The following SAMD5 variants were observed in gnomAD, a reference collection of about 807,000 sequenced individuals.
SAMD5 encodes the protein sterile alpha motif domain containing 5.
SAMD5 carries 13 observed loss-of-function variants against 11.3 expected under a neutral mutation model. That is an observed-to-expected ratio of 1.15 (90% confidence interval 0.75 to 1.83). SAMD5 has a LOEUF of 1.83. Among genes scored for constraint, SAMD5 ranks in the 40% most tolerant of loss-of-function variants. The probability of loss-of-function intolerance (pLI) is 0.00; values close to 1 mark genes in which losing one functional copy is unlikely to be tolerated. For synonymous variants in SAMD5, 129 were observed against 111.3 expected (o/e 1.16, Z -1.00); for missense variants, 255 against 239.1 (o/e 1.07, Z -0.44).
At chr6:147,551,195 A>G (rs1416265399) in intron 1 of SAMD5, among the ~76,000 whole-genome samples, 4 of 152,178 alleles carry the variant, frequency 2.6e-5, no homozygotes, top group Non-Finnish European at 5.9e-5. Flanking sequence ...GAATTGGCCA[A>G]ATTCTCATAG....
the SAMD5 span, among the ~76,000 whole-genome samples, chr6:147,859,058 G>T: frequency 6.6e-6 from 1 of 152,126 alleles, no homozygotes; most frequent in African/African-American, 2.4e-5. Flanking sequence ...GGCCAGGGAG[G>T]ACCTCACTAT....
At chr6:147,607,543 C>T (rs931352856) in intron 1 of SAMD5, among the ~76,000 whole-genome samples, 1 of 151,998 alleles carries the variant, frequency 6.6e-6, no homozygotes, top group African/African-American at 2.4e-5. Context: ...ACAGTGAACC[C>T]ATTTTTGATA....
chr6:147,798,002 T>A, the SAMD5 span, among the ~76,000 whole-genome samples: 4 of 151,666 alleles, frequency 2.6e-5, no homozygotes, highest in African/African-American at 9.7e-5. Flanking sequence ...ATTTTGTTGA[T>A]CCTTTCAAAA....
At chr6:147,634,899 A>G (rs1356188069) in intron 1 of SAMD5, among the ~76,000 whole-genome samples, 1 of 149,934 alleles carries the variant, frequency 6.7e-6, no homozygotes, top group Non-Finnish European at 1.5e-5. Flanking sequence ...GTGAAATTAA[A>G]AAGGGAAAGA....
At position 147,564,826 on chromosome 6, in the gene SAMD5, G is replaced by A; in HGVS notation, c.*370G>A. The A allele has an allele frequency of 1.0e-6, 1 of 974,990 alleles. No homozygotes were observed. The highest frequency in any genetic ancestry group is 1.8e-5 in the African/African-American group (1 of 57,018). The allele number at this position is 974,990 out of a possible 1,614,324, so 60.4% of individuals were successfully genotyped here. ...TAGTTTAAGTACAATATAACAAAAAGGTAGATTTCTGACAGTAAGTAGTAA... is the reference window on the plus strand; with the variant it reads ...TAGTTTAAGTACAATATAACAAAAAAGTAGATTTCTGACAGTAAGTAGTAA... On this transcript the variant is annotated 3_prime_UTR_variant, in exon 2 of 2. Transcript: ENST00000367474.
chr6:147,911,699 C>G, the SAMD5 span, among the ~76,000 whole-genome samples: 1 of 152,234 alleles, frequency 6.6e-6, no homozygotes, highest in Non-Finnish European at 1.5e-5. Context: ...TACCAGTTAT[C>G]TATTGCTGTT....
the SAMD5 span, among the ~76,000 whole-genome samples, chr6:147,841,447 A>T: frequency 6.6e-6 from 1 of 152,222 alleles, no homozygotes; most frequent in Non-Finnish European, 1.5e-5. Context: ...CTTCAAAATG[A>T]TTAAAGCCAT....
intron 1 of SAMD5, among the ~76,000 whole-genome samples, chr6:147,646,402 C>G (rs1362986506): frequency 2.0e-5 from 3 of 151,716 alleles, no homozygotes. Context: ...TCCTTCTTGA[C>G]CTGTTCGGTT....
chr6:147,852,873 C>T, the SAMD5 span, among the ~76,000 whole-genome samples: 1 of 152,118 alleles, frequency 6.6e-6, no homozygotes, highest in Non-Finnish European at 1.5e-5. Context: ...AAATTACAGC[C>T]AATTTAACTA....
At chr6:147,636,087 A>C (rs1039634791) in intron 1 of SAMD5, among the ~76,000 whole-genome samples, 1 of 143,364 alleles carries the variant, frequency 7.0e-6, no homozygotes, top group African/African-American at 3.0e-5. Flanking sequence ...AAAGACACCC[A>C]TGGGAAAGTC....
At chr6:147,727,119 C>T (rs3908345) in intron 1 of SAMD5, among the ~76,000 whole-genome samples, 4,696 of 152,304 alleles carry the variant, frequency 0.031, 203 homozygotes, top group African/African-American at 0.095. Context: ...AACCTGTCCC[C>T]TGCCTACCAA....
At chr6:147,872,702 C>T in the SAMD5 span, among the ~76,000 whole-genome samples, 8 of 152,196 alleles carry the variant, frequency 5.3e-5, no homozygotes, top group East Asian at 7.7e-4. Context: ...CTTCATGGTC[C>T]GTGATGGAAC....
chr6:147,853,713 T>C, the SAMD5 span, among the ~76,000 whole-genome samples: 1 of 152,124 alleles, frequency 6.6e-6, no homozygotes, highest in Non-Finnish European at 1.5e-5. Context: ...CTTTGCTCTG[T>C]TGGATATGTT....
At chr6:147,754,092 T>C in the SAMD5 span, among the ~76,000 whole-genome samples, 1 of 152,286 alleles carries the variant, frequency 6.6e-6, no homozygotes, top group East Asian at 1.9e-4. Flanking sequence ...GGTCATATGG[T>C]AGCTCAGTAT....
chr6:147,623,311 T>C (rs1322585228), intron 1 of SAMD5, among the ~76,000 whole-genome samples: 1 of 152,262 alleles, frequency 6.6e-6, no homozygotes, highest in African/African-American at 2.4e-5. Flanking sequence ...TTCTCCCACA[T>C]AGTGGGATTC....
At chr6:147,749,172 GT>G in the SAMD5 span, among the ~76,000 whole-genome samples, 38,347 of 137,120 alleles carry the variant, frequency 0.28, 5,570 homozygotes, top group African/African-American at 0.43. Context: ...TTTTTGTTTT[GT>G]TTTTTTTTTT....
chr6:147,765,493 A>G, the SAMD5 span, among the ~76,000 whole-genome samples: 1 of 152,238 alleles, frequency 6.6e-6, no homozygotes, highest in African/African-American at 2.4e-5. Flanking sequence ...AAATATGTTA[A>G]TCCACAAGGA....
the SAMD5 span, among the ~76,000 whole-genome samples, chr6:147,800,540 C>T: frequency 1.3e-5 from 2 of 152,214 alleles, no homozygotes; most frequent in Admixed American, 6.5e-5. Flanking sequence ...GTGCCCTGCC[C>T]GCAGAGGTGG....
intron 1 of SAMD5, among the ~76,000 whole-genome samples, chr6:147,696,154 C>T (rs1170532467): frequency 1.3e-5 from 2 of 152,046 alleles, no homozygotes; most frequent in African/African-American, 4.8e-5. Flanking sequence ...CTCTTTGTCT[C>T]AACCCCCTCC....
Sources: gnomAD v4.1 joint callset for allele counts (sites outside exome capture counted in the v4.1 genomes callset) on GRCh38, gnomAD v4.1.1 for gene constraint, MANE v1.5 for transcripts, NCBI Gene and HGNC (gene_info 2026-07-23, HGNC 2026-07-21) for gene names.